The following PTPRD variants were observed in gnomAD, a reference collection of about 807,000 sequenced individuals.
PTPRD encodes the protein receptor-type tyrosine-protein phosphatase delta.
In PTPRD, 34 loss-of-function variants were observed where a neutral mutation model predicts 214.5. That is an observed-to-expected ratio of 0.16 (90% confidence interval 0.12 to 0.21). The LOEUF (loss-of-function observed/expected upper bound fraction) is 0.21. Ranked by LOEUF, PTPRD falls within the 10% of genes least tolerant of loss-of-function variation. The pLI is 1.00. For missense variants in PTPRD, 2,545 were observed against 2,398.7 expected, an observed-to-expected ratio of 1.06 and a Z score of -1.27; for synonymous variants, 1,128 against 845.7, an observed-to-expected ratio of 1.33 and a Z score of -5.79.
chr9:9,771,192 A>G (rs2098749084), intron 5 of PTPRD, among the ~76,000 whole-genome samples: 1 of 152,192 alleles, frequency 6.6e-6, no homozygotes, highest in East Asian at 1.9e-4. Flanking sequence ...TATCTAATAA[A>G]TTTGACTACA....
chr9:9,946,619 T>C (rs2092596106), intron 4 of PTPRD, among the ~76,000 whole-genome samples: 1 of 152,040 alleles, frequency 6.6e-6, no homozygotes, highest in Non-Finnish European at 1.5e-5. Flanking sequence ...ACTGCAGGTC[T>C]CCAGACCACT....
At chr9:8,444,882 A>G (rs749722827) in intron 34 of PTPRD, among the ~76,000 whole-genome samples, 4 of 152,198 alleles carry the variant, frequency 2.6e-5, no homozygotes, top group Admixed American at 1.3e-4. Context: ...AACAAGCAAC[A>G]TATCTATTCA....
chr9:10,543,872 T>C (rs2059666321), intron 2 of PTPRD, among the ~76,000 whole-genome samples: 1 of 152,182 alleles, frequency 6.6e-6, no homozygotes, highest in South Asian at 2.1e-4. Flanking sequence ...CTCAGAGGTA[T>C]ATCCAAGTGC....
At chr9:10,594,661 T>C (rs2076222486) in intron 2 of PTPRD, among the ~76,000 whole-genome samples, 1 of 151,980 alleles carries the variant, frequency 6.6e-6, no homozygotes, top group Non-Finnish European at 1.5e-5. Flanking sequence ...CACTTAGTCA[T>C]TCACACCATC....
chr9:10,591,751 C>T (rs183957604), intron 2 of PTPRD, among the ~76,000 whole-genome samples: 1 of 152,106 alleles, frequency 6.6e-6, no homozygotes, highest in Admixed American at 6.6e-5. Context: ...CTTAGTGACT[C>T]AATTCTCCTG....
chr9:9,555,303 C>T (rs1166879940), intron 8 of PTPRD, among the ~76,000 whole-genome samples: 3 of 151,882 alleles, frequency 2.0e-5, no homozygotes, highest in Non-Finnish European at 4.4e-5. Context: ...CTATATAAAC[C>T]TGAATGTTCC....
chr9:9,289,096 A>T, intron 9 of PTPRD, among the ~76,000 whole-genome samples: 1 of 151,892 alleles, frequency 6.6e-6, no homozygotes, highest in East Asian at 2.0e-4. Context: ...ATGGAAATAG[A>T]GTTTACTGAA....
intron 11 of PTPRD, among the ~76,000 whole-genome samples, chr9:8,996,719 C>A (rs1246515006): frequency 6.6e-6 from 1 of 152,016 alleles, no homozygotes; most frequent in African/African-American, 2.4e-5. Flanking sequence ...CTTCAAGCCT[C>A]TTTTATAAGG....
intron 12 of PTPRD, among the ~76,000 whole-genome samples, chr9:8,696,884 A>G (rs1452468766): frequency 6.6e-6 from 1 of 152,240 alleles, no homozygotes; most frequent in African/African-American, 2.4e-5. Flanking sequence ...AATTGTCGAC[A>G]AACATCACAG....
At chr9:8,408,908 T>A (rs572617842) in intron 35 of PTPRD, among the ~76,000 whole-genome samples, 1 of 152,258 alleles carries the variant, frequency 6.6e-6, no homozygotes, top group South Asian at 2.1e-4. Context: ...CGGGAAAGTC[T>A]CAAGCAGATA....
chr9:9,992,770 G>GT (rs2095988940), intron 4 of PTPRD, among the ~76,000 whole-genome samples: 1 of 151,728 alleles, frequency 6.6e-6, no homozygotes, highest in African/African-American at 2.4e-5. Context: ...TGGACACAGG[G>GT]TGGGGAACAT....
chr9:10,313,604 A>G (rs1314693166), intron 3 of PTPRD, among the ~76,000 whole-genome samples: 1 of 151,948 alleles, frequency 6.6e-6, no homozygotes, highest in African/African-American at 2.4e-5. Context: ...AAAGCCATCT[A>G]TGTGTGGCTC....
Position 9,286,876 on chromosome 9 carries a change from ATATATATATATATATATATATATATAT to A in PTPRD, c.-202-103540_-202-103514del, listed in dbSNP as rs1189995599. On this transcript the variant is annotated intron_variant, in intron 9 of 45. Transcript: ENST00000381196. ...CAAGGCAGTCTTGAAACTACTGAAT[ATATATATATATATATATATATATATAT>A]ATATATATATATATATATATATATA... Among the ~76,000 whole-genome samples the A allele has an allele frequency of 9.8e-3, 85 of 8,630 alleles. 1 individual carries two copies. Among genetic ancestry groups the A allele is most frequent in the Non-Finnish European group, 0.013 (76 of 5,894 alleles). 5.7% of individuals were successfully genotyped at this position (8,630 alleles called of 152,430 possible).
intron 3 of PTPRD, among the ~76,000 whole-genome samples, chr9:10,244,300 T>C (rs944037938): frequency 2.6e-5 from 4 of 152,096 alleles, no homozygotes; most frequent in African/African-American, 7.2e-5. Flanking sequence ...TAAATTGTAA[T>C]CTCCCCAAAA....
At chr9:8,398,934 T>TA (rs968477289) in intron 36 of PTPRD, among the ~76,000 whole-genome samples, 4 of 151,984 alleles carry the variant, frequency 2.6e-5, no homozygotes, top group African/African-American at 7.2e-5. Flanking sequence ...CTAAGCTTTT[T>TA]AAAAAAAATC....
At chr9:9,883,669 A>G (rs1157548425) in intron 5 of PTPRD, among the ~76,000 whole-genome samples, 1 of 152,172 alleles carries the variant, frequency 6.6e-6, no homozygotes, top group Non-Finnish European at 1.5e-5. Context: ...TTGGTGACAT[A>G]CAACCACTGC....
At chr9:10,142,479 C>G (rs1592235462) in intron 3 of PTPRD, among the ~76,000 whole-genome samples, 1 of 152,114 alleles carries the variant, frequency 6.6e-6, no homozygotes, top group African/African-American at 2.4e-5. Flanking sequence ...TGAACAGACA[C>G]TTCTCAAAAG....
chr9:10,565,894 C>T (rs568008046), intron 2 of PTPRD, among the ~76,000 whole-genome samples: 44 of 151,940 alleles, frequency 2.9e-4, no homozygotes, highest in African/African-American at 9.9e-4. Flanking sequence ...GTTCAAGCCC[C>T]TCCTTTTTCT....
At chr9:9,902,393 T>C (rs1469174814) in intron 5 of PTPRD, among the ~76,000 whole-genome samples, 13 of 152,166 alleles carry the variant, frequency 8.5e-5, no homozygotes, top group Admixed American at 7.9e-4. Context: ...CTGAGTATGA[T>C]TCTTTAGTTT....
Sources: allele counts gnomAD v4.1 joint callset (sites outside exome capture counted in the v4.1 genomes callset), GRCh38; gene constraint gnomAD v4.1.1; transcripts MANE v1.5; gene names NCBI Gene and HGNC (gene_info 2026-07-23, HGNC 2026-07-21).